SIPA1L1: variants seen among roughly 807,000 people sequenced by gnomAD.
The protein encoded by SIPA1L1 is signal-induced proliferation-associated 1-like protein 1.
A neutral mutation model predicts 162.7 loss-of-function variants in SIPA1L1; 26 were observed. The ratio of observed to expected loss-of-function variants is 0.16; its 90% confidence interval spans 0.12 to 0.22. SIPA1L1 has a LOEUF of 0.22. Among genes scored for constraint, SIPA1L1 ranks in the 10% least tolerant of loss-of-function variants. SIPA1L1 has a pLI of 1.00. For missense variants in SIPA1L1, 1,874 were observed against 2,241.0 expected, an observed-to-expected ratio of 0.84 and a Z score of 3.31; for synonymous variants, 829 against 837.4, an observed-to-expected ratio of 0.99 and a Z score of 0.17.
At chr14:71,382,459 C>G (rs975507665) in intron 2 of SIPA1L1, among the ~76,000 whole-genome samples, 5 of 152,138 alleles carry the variant, frequency 3.3e-5, no homozygotes, top group Admixed American at 2.6e-4. Flanking sequence ...AAAGCCTAAA[C>G]AAATTTACAT....
At chr14:71,574,351 G>A (rs1233306437) in intron 4 of SIPA1L1, 3 of 152,662 alleles carry the variant, frequency 2.0e-5, no homozygotes, top group African/African-American at 7.2e-5. Context: ...GAAGTCTCAC[G>A]AGAACCCGGT....
chr14:71,619,842 T>C (rs1024097255), intron 6 of SIPA1L1, among the ~76,000 whole-genome samples: 28 of 152,172 alleles, frequency 1.8e-4, no homozygotes, highest in African/African-American at 6.5e-4. Context: ...AAATTAAATA[T>C]AGGACTTTTA....
intron 8 of SIPA1L1, among the ~76,000 whole-genome samples, chr14:71,651,850 T>A (rs2042645718): frequency 6.6e-6 from 1 of 152,198 alleles, no homozygotes; most frequent in Non-Finnish European, 1.5e-5. Flanking sequence ...ATACACAAAA[T>A]AAGCACTTTG....
intron 5 of SIPA1L1, among the ~76,000 whole-genome samples, chr14:71,612,591 T>A (rs760118279): frequency 6.6e-6 from 1 of 152,196 alleles, no homozygotes; most frequent in Non-Finnish European, 1.5e-5. Flanking sequence ...AGTATGCAAC[T>A]GAAATATTAA....
chr14:71,577,657 GT>G (rs1325351170), intron 4 of SIPA1L1, among the ~76,000 whole-genome samples: 2 of 151,556 alleles, frequency 1.3e-5, no homozygotes, highest in Non-Finnish European at 2.9e-5. Flanking sequence ...GGGATTACAG[GT>G]GTGAGCCATT....
At chr14:71,508,577 G>A (rs963579969) in intron 2 of SIPA1L1, among the ~76,000 whole-genome samples, 1 of 152,184 alleles carries the variant, frequency 6.6e-6, no homozygotes, top group Non-Finnish European at 1.5e-5. Flanking sequence ...GGCATCCAGG[G>A]TAGAGAAGCC....
At chr14:71,492,562 C>T (rs2049367478) in intron 2 of SIPA1L1, among the ~76,000 whole-genome samples, 1 of 152,158 alleles carries the variant, frequency 6.6e-6, no homozygotes, top group Admixed American at 6.6e-5. Context: ...CTGCTGTCTG[C>T]TTCAGACTTG....
chr14:71,452,166 AC>A (rs370067589), intron 2 of SIPA1L1, among the ~76,000 whole-genome samples: 530 of 149,040 alleles, frequency 3.6e-3, no homozygotes, highest in Middle Eastern at 0.01. Context: ...ATTACAGGAA[AC>A]CCCCCCCTCA....
intron 4 of SIPA1L1, among the ~76,000 whole-genome samples, chr14:71,531,044 A>G (rs1289008562): frequency 6.6e-6 from 1 of 152,222 alleles, no homozygotes; most frequent in African/African-American, 2.4e-5. Flanking sequence ...TTTCTGTCTT[A>G]TCTACTAATA....
intron 4 of SIPA1L1, among the ~76,000 whole-genome samples, chr14:71,543,294 C>CT (rs2145861969): frequency 6.6e-6 from 1 of 152,218 alleles, no homozygotes; most frequent in East Asian, 1.9e-4. Flanking sequence ...CTTAGTTGTC[C>CT]TTTAAGATTT....
intron 5 of SIPA1L1, among the ~76,000 whole-genome samples, chr14:71,591,804 T>G (rs1347247395): frequency 1.3e-5 from 2 of 152,198 alleles, no homozygotes; most frequent in African/African-American, 4.8e-5. Flanking sequence ...ATAATCTGAG[T>G]ACAAAATCTT....
At chr14:71,322,293 C>T (rs539515372) in intron 2 of SIPA1L1, among the ~76,000 whole-genome samples, 4 of 152,298 alleles carry the variant, frequency 2.6e-5, no homozygotes, top group South Asian at 2.1e-4. Flanking sequence ...ATGGAGTATC[C>T]GTCCAAGGCA....
chr14:71,653,895 G>C (rs1316617945), intron 8 of SIPA1L1, among the ~76,000 whole-genome samples: 1 of 152,166 alleles, frequency 6.6e-6, no homozygotes, highest in Non-Finnish European at 1.5e-5. Flanking sequence ...CATTAGGAAA[G>C]TAGAATAGAT....
chr14:71,529,744 T>G (rs2053250321), intron 4 of SIPA1L1, among the ~76,000 whole-genome samples: 1 of 152,222 alleles, frequency 6.6e-6, no homozygotes. Context: ...CATGATTGAC[T>G]CATGAACTCT....
At chr14:71,714,207 G>A (rs897639344) in intron 17 of SIPA1L1, among the ~76,000 whole-genome samples, 1 of 152,132 alleles carries the variant, frequency 6.6e-6, no homozygotes, top group East Asian at 1.9e-4. Context: ...TCCAGCTTTT[G>A]GGGGTGGTTA....
At chr14:71,469,804 ATTAG>A (rs1399562438) in intron 2 of SIPA1L1, among the ~76,000 whole-genome samples, 2 of 152,222 alleles carry the variant, frequency 1.3e-5, no homozygotes, top group Admixed American at 1.3e-4. Flanking sequence ...TCAAGTGCTT[ATTAG>A]TTGTTTCCAA....
At chr14:71,703,052 G>T (rs937167585) in intron 15 of SIPA1L1, among the ~76,000 whole-genome samples, 5 of 152,182 alleles carry the variant, frequency 3.3e-5, no homozygotes, top group African/African-American at 9.6e-5. Context: ...GTGAGCTTGT[G>T]CCCGGATTTC....
intron 3 of SIPA1L1, among the ~76,000 whole-genome samples, chr14:71,515,439 A>G (rs930454675): frequency 1.3e-5 from 2 of 152,290 alleles, no homozygotes; most frequent in Middle Eastern, 6.8e-3. Flanking sequence ...TGTCACCTCT[A>G]CTTAAAATGA....
rs145223543 is a variant in SIPA1L1 at position 71,620,194 on chromosome 14, C to T, written c.1629+1307C>T. Among the ~76,000 whole-genome samples, 877 of 152,220 alleles carry T rather than the reference C, an allele frequency of 5.8e-3. 9 individuals carry two copies. Among genetic ancestry groups the T allele is most frequent in the African/African-American group, 0.02 (845 of 41,542 alleles). ...AAGTGATTCTCCTGCCTCAGCCTCC[C>T]GAGTAGCTGGGATTACAGGCATGCG... is the stretch of plus-strand genomic sequence containing the variant. On this transcript the variant is annotated intron_variant, in intron 6 of 23. Transcript: ENST00000381232.
Sources: allele counts gnomAD v4.1 joint callset (sites outside exome capture counted in the v4.1 genomes callset), GRCh38; gene constraint gnomAD v4.1.1; transcripts MANE v1.5; gene names NCBI Gene and HGNC (gene_info 2026-07-23, HGNC 2026-07-21).